The following LINGO2 variants were observed in gnomAD, a reference collection of about 807,000 sequenced individuals.
LINGO2 encodes the protein leucine-rich repeat and immunoglobulin-like domain-containing nogo receptor-interacting protein 2.
In LINGO2, 14 loss-of-function variants were observed where a neutral mutation model predicts 30.6. That is an observed-to-expected ratio of 0.46 (90% CI 0.30 to 0.72). LINGO2 has a LOEUF of 0.72. LINGO2 is among the 30% of genes least tolerant of loss of function. The pLI, the probability that LINGO2 is intolerant of heterozygous loss-of-function variation, is 0.07. For synonymous variants in LINGO2, 317 were observed against 288.5 expected, an observed-to-expected ratio of 1.10 and a Z score of -1.00; for missense variants, 729 against 751.7, an observed-to-expected ratio of 0.97 and a Z score of 0.35.
At chr9:28,174,921 T>TGTGTGTGTGTGAGAGAGAGA (rs962695032) in intron 4 of LINGO2, among the ~76,000 whole-genome samples, 1 of 133,308 alleles carries the variant, frequency 7.5e-6, no homozygotes, top group African/African-American at 2.8e-5. Flanking sequence ...TGTGTGTGTG[T>TGTGTGTGTGTGAGAGAGAGA]GAGAGAGAGA....
At chr9:28,993,413 T>C in the LINGO2 span, among the ~76,000 whole-genome samples, 3 of 152,156 alleles carry the variant, frequency 2.0e-5, no homozygotes, top group East Asian at 3.9e-4. Context: ...CCAGATGGAA[T>C]CATAGCCGAA....
intron 1 of LINGO2, among the ~76,000 whole-genome samples, chr9:28,495,621 C>A (rs1056425777): frequency 1.3e-5 from 2 of 152,042 alleles, no homozygotes; most frequent in African/African-American, 4.8e-5. Context: ...TTACTGTAGG[C>A]TTGTAGTATA....
At chr9:28,932,098 C>T in the LINGO2 span, among the ~76,000 whole-genome samples, 1 of 32,374 alleles carries the variant, frequency 3.1e-5, no homozygotes, top group South Asian at 7.7e-4. Context: ...CAGAGCAAGA[C>T]TCTGACAAAA....
At position 27,949,509 on chromosome 9, in the gene LINGO2, A is replaced by T. The variant is rs759250293; in HGVS notation, c.1163T>A (p.Ile388Asn). The change falls in exon 6 of 6, where the codon ATC (isoleucine) becomes AAC (asparagine). Residue 388 changes from isoleucine (I) to asparagine (N), a missense_variant. Ile to Asn is a moderately radical substitution (Grantham distance 149). Coordinates refer to ENST00000379992, the Ensembl canonical transcript of LINGO2. ...GAAATCCTTGAAAGACCTCTCACGG[A>T]TGGTGTCTGGGCCAGCACACATAGG... The T allele has an allele frequency of 2.5e-6, 4 of 1,613,936 alleles. No homozygotes were observed. In the African/African-American group the frequency reaches 5.3e-5, roughly 22 times the overall value.
chr9:28,588,393 T>C (rs1024849073), intron 1 of LINGO2, among the ~76,000 whole-genome samples: 1 of 152,000 alleles, frequency 6.6e-6, no homozygotes, highest in Non-Finnish European at 1.5e-5. Context: ...GCAGACTTGT[T>C]ATCCAGTAGG....
At chr9:28,600,551 T>A (rs1039468823) in intron 1 of LINGO2, among the ~76,000 whole-genome samples, 1 of 152,270 alleles carries the variant, frequency 6.6e-6, no homozygotes, top group Non-Finnish European at 1.5e-5. Context: ...CATGAGAATC[T>A]GTCTGTGAAG....
the LINGO2 span, among the ~76,000 whole-genome samples, chr9:29,133,501 CA>C: frequency 5.9e-5 from 9 of 152,168 alleles, no homozygotes; most frequent in Non-Finnish European, 1.0e-4. Context: ...ACACTCAGGG[CA>C]AAATAACTTA....
chr9:28,912,748 G>A, the LINGO2 span, among the ~76,000 whole-genome samples: 1 of 152,032 alleles, frequency 6.6e-6, no homozygotes, highest in East Asian at 1.9e-4. Flanking sequence ...CCTGTATAAG[G>A]TGTTCCTTAA....
intron 4 of LINGO2, among the ~76,000 whole-genome samples, chr9:28,270,892 A>T (rs1316973085): frequency 6.6e-6 from 1 of 152,138 alleles, no homozygotes; most frequent in African/African-American, 2.4e-5. Context: ...ATTCAGAGAG[A>T]CTAAATCATT....
chr9:28,495,141 CA>C (rs201232289), intron 1 of LINGO2, among the ~76,000 whole-genome samples: 1 of 152,054 alleles, frequency 6.6e-6, no homozygotes, highest in East Asian at 1.9e-4. Context: ...GAGTAGATTG[CA>C]AAATTTTTTT....
At chr9:28,682,097 G>C in the LINGO2 span, among the ~76,000 whole-genome samples, 1 of 152,172 alleles carries the variant, frequency 6.6e-6, no homozygotes, top group Admixed American at 6.5e-5. Flanking sequence ...CTTGGGCATA[G>C]CGGTGAGATT....
At chr9:28,822,659 G>A in the LINGO2 span, among the ~76,000 whole-genome samples, 1 of 152,142 alleles carries the variant, frequency 6.6e-6, no homozygotes, top group Non-Finnish European at 1.5e-5. Flanking sequence ...TGTGCTGGAT[G>A]CTTCCTGCCC....
intron 2 of LINGO2, among the ~76,000 whole-genome samples, chr9:28,408,192 T>C (rs779572289): frequency 3.9e-5 from 6 of 152,182 alleles, no homozygotes; most frequent in Non-Finnish European, 5.9e-5. Context: ...ACATCATTTA[T>C]CTCCTTTAAA....
the LINGO2 span, among the ~76,000 whole-genome samples, chr9:28,697,720 C>T: frequency 6.6e-6 from 1 of 151,956 alleles, no homozygotes; most frequent in Admixed American, 6.6e-5. Flanking sequence ...CTTGTTGTAA[C>T]TCTTGCTATG....
intron 2 of LINGO2, among the ~76,000 whole-genome samples, chr9:28,400,832 A>G (rs1483928240): frequency 1.3e-5 from 2 of 152,230 alleles, no homozygotes; most frequent in Non-Finnish European, 2.9e-5. Flanking sequence ...GAAGTTCTGA[A>G]AAATAAATTA....
intron 4 of LINGO2, among the ~76,000 whole-genome samples, chr9:28,119,217 A>G (rs11791060): frequency 4.3e-4 from 66 of 152,188 alleles, no homozygotes; most frequent in Non-Finnish European, 7.5e-4. Flanking sequence ...AGCAAACCCA[A>G]TAACCTTGTG....
intron 4 of LINGO2, among the ~76,000 whole-genome samples, chr9:28,210,076 A>T (rs1428766720): frequency 6.6e-6 from 1 of 151,768 alleles, no homozygotes; most frequent in Non-Finnish European, 1.5e-5. Context: ...AGAGGGAAAC[A>T]ATTTATGTTC....
the LINGO2 span, among the ~76,000 whole-genome samples, chr9:29,130,361 C>G: frequency 6.6e-6 from 1 of 152,058 alleles, no homozygotes; most frequent in African/African-American, 2.4e-5. Flanking sequence ...CTTTGTCTCC[C>G]AAATAACTCA....
intron 2 of LINGO2, among the ~76,000 whole-genome samples, chr9:28,439,007 A>G (rs1321053829): frequency 6.8e-6 from 1 of 147,468 alleles, no homozygotes; most frequent in Non-Finnish European, 1.5e-5. Flanking sequence ...TACATTATAT[A>G]TAATGAAATA....
Sources: gnomAD v4.1 joint callset for allele counts (sites outside exome capture counted in the v4.1 genomes callset) on GRCh38, gnomAD v4.1.1 for gene constraint, MANE v1.5 for transcripts, NCBI Gene and HGNC (gene_info 2026-07-23, HGNC 2026-07-21) for gene names.